CAP2: variants seen among roughly 807,000 people sequenced by gnomAD.
CAP2 encodes the protein cyclase associated actin cytoskeleton regulatory protein 2.
A neutral mutation model predicts 57.7 loss-of-function variants in CAP2; 24 were observed. The ratio of observed to expected loss-of-function variants is 0.42; its 90% CI spans 0.30 to 0.58. The LOEUF is 0.58. CAP2 is among the 20% of genes least tolerant of loss of function. The pLI is 0.22. For missense variants in CAP2, 501 were observed against 590.3 expected (o/e 0.85, Z 1.57); for synonymous variants, 194 against 207.2 (o/e 0.94, Z 0.55).
intron 9 of CAP2, 37 bp from the exon 10 acceptor site, chr6:17,542,800 T>C (rs546943293): frequency 1.1e-5 from 17 of 1,550,496 alleles, no homozygotes; most frequent in Non-Finnish European, 1.5e-5. Flanking sequence ...TGTTTATATA[T>C]GCTGATGTTT....
intron 7 of CAP2, among the ~76,000 whole-genome samples, chr6:17,517,756 C>G (rs1481405584): frequency 6.6e-6 from 1 of 151,974 alleles, no homozygotes; most frequent in African/African-American, 2.4e-5. Context: ...CAAAAATTAG[C>G]CAGGCATGGT....
At chr6:17,413,492 T>C (rs951792330) in intron 1 of CAP2, among the ~76,000 whole-genome samples, 2 of 152,132 alleles carry the variant, frequency 1.3e-5, no homozygotes, top group Non-Finnish European at 2.9e-5. Flanking sequence ...CACACTACAG[T>C]AGGGCAGGAA....
chr6:17,417,524 C>T (rs1759315732), intron 1 of CAP2, among the ~76,000 whole-genome samples: 1 of 152,156 alleles, frequency 6.6e-6, no homozygotes, highest in African/African-American at 2.4e-5. Flanking sequence ...ATCCACCCGC[C>T]TCTGCCTCCC....
At chr6:17,509,058 A>G (rs781704098) in intron 6 of CAP2, among the ~76,000 whole-genome samples, 38 of 152,066 alleles carry the variant, frequency 2.5e-4, no homozygotes, top group African/African-American at 7.2e-4. Flanking sequence ...CCTGGCCTCA[A>G]TTCACTCCTT....
At chr6:17,413,221 G>T (rs1759186246) in intron 1 of CAP2, among the ~76,000 whole-genome samples, 1 of 152,174 alleles carries the variant, frequency 6.6e-6, no homozygotes, top group Admixed American at 6.5e-5. Context: ...ATGAAACATT[G>T]AGAGTGTTCT....
At chr6:17,496,034 G>GGGGT (rs1561804662) in intron 4 of CAP2, among the ~76,000 whole-genome samples, 9 of 117,186 alleles carry the variant, frequency 7.7e-5, no homozygotes, top group African/African-American at 2.0e-4. Context: ...GGGTGGGGGG[G>GGGGT]GGGGGTAAGT....
At chr6:17,518,163 A>C (rs1304784606) in intron 7 of CAP2, among the ~76,000 whole-genome samples, 1 of 152,220 alleles carries the variant, frequency 6.6e-6, no homozygotes, top group Non-Finnish European at 1.5e-5. Context: ...TCTTTTGTCA[A>C]GCTTTAAAAC....
At chr6:17,471,196 TTTC>T (rs1761009150) in intron 4 of CAP2, among the ~76,000 whole-genome samples, 1 of 152,116 alleles carries the variant, frequency 6.6e-6, no homozygotes, top group Non-Finnish European at 1.5e-5. Flanking sequence ...CTCCCAAGTG[TTTC>T]TTAAGTCCAT....
intron 3 of CAP2, among the ~76,000 whole-genome samples, chr6:17,429,323 T>C (rs1759669084): frequency 6.6e-6 from 1 of 152,254 alleles, no homozygotes; most frequent in Non-Finnish European, 1.5e-5. Context: ...TTATGGTTAC[T>C]ATTCATTAAT....
intron 1 of CAP2, among the ~76,000 whole-genome samples, chr6:17,401,185 G>A (rs1292820145): frequency 1.3e-5 from 2 of 152,180 alleles, no homozygotes; most frequent in Non-Finnish European, 2.9e-5. Flanking sequence ...GAGGTGAATA[G>A]GTCATGGGGT....
intron 1 of CAP2, among the ~76,000 whole-genome samples, chr6:17,405,754 T>A (rs1412348209): frequency 6.6e-6 from 1 of 152,150 alleles, no homozygotes; most frequent in African/African-American, 2.4e-5. Flanking sequence ...ATGTTTTGTT[T>A]TTTTGAAACA....
intron 1 of CAP2, among the ~76,000 whole-genome samples, chr6:17,400,140 C>T (rs894136637): frequency 6.6e-6 from 1 of 151,856 alleles, no homozygotes; most frequent in Non-Finnish European, 1.5e-5. Flanking sequence ...GCAGGAGAAT[C>T]GCTTGAACCC....
intron 3 of CAP2, 104 bp from the exon 4 acceptor site, chr6:17,462,892 T>C: frequency 1.2e-6 from 1 of 813,500 alleles, no homozygotes; most frequent in Non-Finnish European, 2.1e-6. Context: ...AAGATATATT[T>C]TCATTTTTCT....
intron 1 of CAP2, among the ~76,000 whole-genome samples, chr6:17,417,471 C>T (rs535471748): frequency 3.9e-5 from 6 of 152,060 alleles, no homozygotes; most frequent in Admixed American, 2.0e-4. Context: ...AGATGGGTTT[C>T]GCTGTGTTGC....
chr6:17,402,074 G>T (rs1280445539), intron 1 of CAP2, among the ~76,000 whole-genome samples: 4 of 152,164 alleles, frequency 2.6e-5, no homozygotes, highest in African/African-American at 9.7e-5. Context: ...GCAAAGGTTT[G>T]CCAAAGGTAC....
At position 17,461,992 on chromosome 6, in the gene CAP2, C is replaced by CAAAA. The variant is rs567675285; in HGVS notation, c.223-976_223-973dup. Among the ~76,000 whole-genome samples the CAAAA allele has an allele frequency of 5.0e-3, 140 of 27,856 alleles. 14 individuals are homozygous for CAAAA. The highest frequency in any genetic ancestry group is 0.011 in the Non-Finnish European group (69 of 6,526). 18.3% of individuals were successfully genotyped at this position (27,856 alleles called of 152,430 possible). A position where few individuals can be genotyped will look rare whatever the true frequency, so the allele number is the denominator to read the frequency against. On this transcript the variant is annotated intron_variant, in intron 3 of 12. Coordinates refer to ENST00000229922, the MANE Select transcript of CAP2 (RefSeq NM_006366.3). The stretch of plus-strand genomic sequence containing the variant: ...TGGGCAACAGGGCGAGACTCCGTCT[C>CAAAA]AAAAAAAAAAAAAAAAAAAAAAAAA...
intron 1 of CAP2, among the ~76,000 whole-genome samples, chr6:17,405,361 G>T (rs1016305141): frequency 6.6e-6 from 1 of 152,160 alleles, no homozygotes; most frequent in Non-Finnish European, 1.5e-5. Flanking sequence ...CAGCCTGGGC[G>T]ACAGAGTGAG....
intron 3 of CAP2, among the ~76,000 whole-genome samples, chr6:17,442,318 T>C (rs1338119482): frequency 1.3e-5 from 2 of 152,216 alleles, no homozygotes; most frequent in African/African-American, 4.8e-5. Context: ...TCTTTGAATC[T>C]GCACATGATG....
At chr6:17,520,615 G>A (rs1762369222) in intron 7 of CAP2, among the ~76,000 whole-genome samples, 1 of 152,018 alleles carries the variant, frequency 6.6e-6, no homozygotes, top group African/African-American at 2.4e-5. Context: ...TTTTCTTTCT[G>A]TTTCTTGGTG....
Sources: allele counts gnomAD v4.1 joint callset (sites outside exome capture counted in the v4.1 genomes callset), GRCh38; gene constraint gnomAD v4.1.1; transcripts MANE v1.5; gene names NCBI Gene and HGNC (gene_info 2026-07-23, HGNC 2026-07-21).